PLPPR5: variants seen among roughly 807,000 people sequenced by gnomAD.
PLPPR5 encodes phospholipid phosphatase-related protein type 5.
PLPPR5 carries 16 observed loss-of-function variants against 33.9 expected under a neutral mutation model. The ratio of observed to expected loss-of-function variants is 0.47; its 90% confidence interval spans 0.32 to 0.72. The LOEUF (loss-of-function observed/expected upper bound fraction) is 0.72, where lower values mean the gene tolerates loss of function less well. Ranked by LOEUF, PLPPR5 falls within the 30% of genes least tolerant of loss-of-function variation. The pLI is 0.03. For synonymous variants in PLPPR5, 163 were observed against 150.3 expected (o/e 1.08, Z -0.62); for missense variants, 301 against 406.7 (o/e 0.74, Z 2.23).
chr1:98,978,991 GAGA>G (rs1228469283), intron 1 of PLPPR5, among the ~76,000 whole-genome samples: 1 of 151,992 alleles, frequency 6.6e-6, no homozygotes, highest in Non-Finnish European at 1.5e-5. Context: ...CATGTTCTCA[GAGA>G]AGGCTTCTCT....
intron 2 of PLPPR5, among the ~76,000 whole-genome samples, chr1:98,955,713 C>A (rs1287235892): frequency 6.6e-6 from 1 of 151,970 alleles, no homozygotes; most frequent in African/African-American, 2.4e-5. Flanking sequence ...CATCCTGAAT[C>A]CTTCAATATG....
rs61547128 is a variant in PLPPR5, at chr1:99,001,072, T to A, written c.237+3363A>T. ...ATTCAAAACCTTGTCAATAAGGGAA[T>A]TGAGGCTTAAAGAGCTTAAATAGAT... On this transcript the variant is annotated intron_variant, in intron 1 of 5. Transcript: ENST00000263177. 2.0e-5 allele frequency among the ~76,000 whole-genome samples: 3 copies of A among 152,154 alleles called. No homozygotes were observed. The East Asian group carries it at 5.8e-4, about 29-fold the overall frequency.
chr1:98,911,596 T>A (rs146308723), intron 5 of PLPPR5, among the ~76,000 whole-genome samples: 2 of 152,284 alleles, frequency 1.3e-5, no homozygotes, highest in African/African-American at 4.8e-5. Flanking sequence ...ACTAGAAAGC[T>A]ACCAAAAAAC....
At chr1:98,970,474 G>T (rs187525374) in intron 1 of PLPPR5, among the ~76,000 whole-genome samples, 1 of 151,792 alleles carries the variant, frequency 6.6e-6, no homozygotes, top group African/African-American at 2.4e-5. Flanking sequence ...TTAGAAATCA[G>T]ATTATTATTC....
chr1:98,963,573 C>T (rs1210398816), intron 1 of PLPPR5, among the ~76,000 whole-genome samples: 1 of 152,158 alleles, frequency 6.6e-6, no homozygotes, highest in Admixed American at 6.5e-5. Context: ...GTAACCGGCA[C>T]AGCCAGAGTC....
intron 1 of PLPPR5, among the ~76,000 whole-genome samples, chr1:99,002,896 G>A (rs1166392949): frequency 2.0e-5 from 3 of 150,392 alleles, no homozygotes; most frequent in Non-Finnish European, 4.4e-5. Flanking sequence ...TTAGTCTCCT[G>A]GAAAACTGTA....
intron 4 of PLPPR5, among the ~76,000 whole-genome samples, chr1:98,918,389 C>T (rs1003068011): frequency 6.6e-6 from 1 of 152,144 alleles, no homozygotes; most frequent in African/African-American, 2.4e-5. Context: ...TATATGATAA[C>T]ATGACAAACT....
At chr1:99,003,979 G>A (rs932942954) in intron 1 of PLPPR5, among the ~76,000 whole-genome samples, 14 of 152,196 alleles carry the variant, frequency 9.2e-5, no homozygotes, top group Non-Finnish European at 1.5e-4. Flanking sequence ...CTCGGGAAGT[G>A]GGAGTCCCTT....
At chr1:98,918,347 T>C (rs574132451) in intron 4 of PLPPR5, among the ~76,000 whole-genome samples, 11 of 152,332 alleles carry the variant, frequency 7.2e-5, no homozygotes, top group African/African-American at 2.6e-4. Flanking sequence ...ATTGCATTAA[T>C]GTAGTAAAGA....
At chr1:98,930,734 G>A (rs1424152900) in intron 3 of PLPPR5, among the ~76,000 whole-genome samples, 1 of 152,124 alleles carries the variant, frequency 6.6e-6, no homozygotes, top group Non-Finnish European at 1.5e-5. Context: ...CCTCATTAGT[G>A]AGTAAGTAAA....
intron 1 of PLPPR5, among the ~76,000 whole-genome samples, chr1:98,964,642 G>A (rs931413991): frequency 1.3e-5 from 2 of 152,100 alleles, no homozygotes; most frequent in East Asian, 1.9e-4. Context: ...CTCCTACTCT[G>A]CCAAGAGAGG....
chr1:98,999,678 T>C (rs1652755250), intron 1 of PLPPR5, among the ~76,000 whole-genome samples: 3 of 151,876 alleles, frequency 2.0e-5, no homozygotes, highest in Admixed American at 6.6e-5. Context: ...GGAAAAGAGG[T>C]CTATGGGAAA....
chr1:98,970,023 C>A (rs896310786), intron 1 of PLPPR5, among the ~76,000 whole-genome samples: 1 of 152,016 alleles, frequency 6.6e-6, no homozygotes, highest in African/African-American at 2.4e-5. Flanking sequence ...AGGCCATCTT[C>A]TTCTGGGTTT....
chr1:98,951,431 G>A (rs967522103), intron 3 of PLPPR5, among the ~76,000 whole-genome samples: 6 of 152,186 alleles, frequency 3.9e-5, no homozygotes, highest in South Asian at 2.1e-4. Flanking sequence ...ATGGCAAGGA[G>A]AGAGTTGTAA....
intron 1 of PLPPR5, among the ~76,000 whole-genome samples, chr1:99,002,042 G>C (rs183947984): frequency 1.3e-5 from 2 of 152,182 alleles, no homozygotes; most frequent in Non-Finnish European, 2.9e-5. Context: ...GATGGGTACT[G>C]TTAATATTAT....
chr1:98,976,027 A>G (rs1651836833), intron 1 of PLPPR5, among the ~76,000 whole-genome samples: 1 of 149,080 alleles, frequency 6.7e-6, no homozygotes, highest in African/African-American at 2.5e-5. Flanking sequence ...TTGTGGTTCC[A>G]GGGAATAGAC....
At chr1:98,967,265 T>C (rs1232612724) in intron 1 of PLPPR5, among the ~76,000 whole-genome samples, 2 of 152,094 alleles carry the variant, frequency 1.3e-5, no homozygotes, top group Admixed American at 6.6e-5. Context: ...AGATGAACTG[T>C]CCTGAGAAGG....
intron 1 of PLPPR5, among the ~76,000 whole-genome samples, chr1:98,990,195 C>T (rs1462739247): frequency 1.3e-5 from 2 of 151,910 alleles, no homozygotes; most frequent in Non-Finnish European, 2.9e-5. Context: ...ATGGTGAAAC[C>T]CCATCTCTAC....
intron 5 of PLPPR5, among the ~76,000 whole-genome samples, chr1:98,906,764 A>G (rs1034469782): frequency 6.6e-6 from 1 of 152,192 alleles, no homozygotes; most frequent in African/African-American, 2.4e-5. Context: ...ATATATTTCA[A>G]TAGTTGTTTT....
Sources: gnomAD v4.1 joint callset for allele counts (sites outside exome capture counted in the v4.1 genomes callset) on GRCh38, gnomAD v4.1.1 for gene constraint, MANE v1.5 for transcripts, NCBI Gene and HGNC (gene_info 2026-07-23, HGNC 2026-07-21) for gene names.